Variants in DAP observed in about 807,000 individuals in gnomAD.
The protein encoded by DAP is death-associated protein 1.
In DAP, 8 loss-of-function variants were observed where a neutral mutation model predicts 13.8. The observed-to-expected ratio is 0.58, with a 90% confidence interval of 0.34 to 1.05. DAP has a LOEUF of 1.05. DAP is among the 50% of genes least tolerant of loss of function. DAP has a pLI of 0.03. For missense variants in DAP, 106 were observed against 133.2 expected (o/e 0.80, Z 1.01); for synonymous variants, 47 against 47.5 (o/e 0.99, Z 0.04).
chr5:10,725,548 A>C (rs946622410), intron 2 of DAP, among the ~76,000 whole-genome samples: 1 of 152,254 alleles, frequency 6.6e-6, no homozygotes, highest in African/African-American at 2.4e-5. Flanking sequence ...AAAGCCACAA[A>C]GCTTGAGTTG....
Position 10,755,736 on chromosome 5 carries a change from A to G in DAP, c.55+5278T>C, listed in dbSNP as rs533728989. 2.0e-5 allele frequency among the ~76,000 whole-genome samples: 3 copies of G among 152,362 alleles called. No homozygotes were observed. The East Asian group carries it at 5.8e-4, about 29-fold the overall frequency. ...AGTGAACATTCTCTATAGAAACAAA[A>G]AAAACTTCTGAAGCTGGGAAGGGAA... On this transcript the variant is annotated intron_variant, in intron 1 of 3. Transcript: ENST00000230895.
chr5:10,736,287 AG>A (rs1210888771), intron 2 of DAP, among the ~76,000 whole-genome samples: 4 of 152,208 alleles, frequency 2.6e-5, no homozygotes, highest in Non-Finnish European at 5.9e-5. Context: ...TGGGAGCACT[AG>A]GAAAACTAAT....
chr5:10,740,756 C>T (rs1717294555), intron 2 of DAP, among the ~76,000 whole-genome samples: 1 of 152,196 alleles, frequency 6.6e-6, no homozygotes, highest in African/African-American at 2.4e-5. Flanking sequence ...AAGAATTCAT[C>T]TCCAGCAGAC....
chr5:10,720,727 G>A (rs1463841501), intron 2 of DAP, among the ~76,000 whole-genome samples: 3 of 152,180 alleles, frequency 2.0e-5, no homozygotes, highest in Non-Finnish European at 4.4e-5. Context: ...CCCTCAATAC[G>A]GCACCATTCC....
At chr5:10,731,696 G>C (rs1052257127) in intron 2 of DAP, among the ~76,000 whole-genome samples, 2 of 152,200 alleles carry the variant, frequency 1.3e-5, no homozygotes, top group African/African-American at 4.8e-5. Context: ...GTCTGACTTA[G>C]GGATAGGCAG....
chr5:10,745,598 G>T (rs1185882677), intron 2 of DAP, among the ~76,000 whole-genome samples: 1 of 152,080 alleles, frequency 6.6e-6, no homozygotes, highest in Non-Finnish European at 1.5e-5. Context: ...TTCTAGAAAA[G>T]CTGCATGTCA....
intron 2 of DAP, among the ~76,000 whole-genome samples, chr5:10,716,260 T>C (rs767881713): frequency 2.0e-5 from 3 of 152,156 alleles, no homozygotes; most frequent in African/African-American, 7.2e-5. Flanking sequence ...CTAAGAGAAA[T>C]TGTGCTTTCA....
chr5:10,695,322 G>A (rs545974875), intron 2 of DAP, among the ~76,000 whole-genome samples: 3 of 152,348 alleles, frequency 2.0e-5, no homozygotes, highest in Non-Finnish European at 2.9e-5. Context: ...CACTGCGGGC[G>A]AGGGCTGCTG....
At chr5:10,709,878 C>T (rs1738798030) in intron 2 of DAP, among the ~76,000 whole-genome samples, 1 of 152,204 alleles carries the variant, frequency 6.6e-6, no homozygotes, top group Non-Finnish European at 1.5e-5. Flanking sequence ...GCAATGATGT[C>T]CTGGGACCCA....
intron 3 of DAP, among the ~76,000 whole-genome samples, chr5:10,682,238 G>A (rs549614188): frequency 8.0e-5 from 10 of 124,566 alleles, no homozygotes; most frequent in African/African-American, 2.8e-4. Flanking sequence ...TGAGTAAGCC[G>A]AAGGCCAGCA....
intron 3 of DAP, chr5:10,683,296 T>C (rs1303818671): frequency 1.3e-5 from 8 of 599,608 alleles, no homozygotes; most frequent in East Asian, 2.9e-5. Context: ...TAAGTCACAA[T>C]GTTGGGTCTC....
intron 2 of DAP, among the ~76,000 whole-genome samples, chr5:10,690,286 G>A (rs1288391013): frequency 3.3e-5 from 5 of 152,060 alleles, no homozygotes; most frequent in Non-Finnish European, 7.4e-5. Flanking sequence ...TTCTAACTTC[G>A]CTTTGAAACC....
At chr5:10,719,381 G>C (rs1191677400) in intron 2 of DAP, among the ~76,000 whole-genome samples, 1 of 152,214 alleles carries the variant, frequency 6.6e-6, no homozygotes, top group African/African-American at 2.4e-5. Context: ...AACGGTGCTG[G>C]AGTTGTCAGT....
intron 2 of DAP, among the ~76,000 whole-genome samples, chr5:10,731,631 G>C (rs1451211208): frequency 1.3e-5 from 2 of 152,320 alleles, no homozygotes; most frequent in African/African-American, 4.8e-5. Context: ...CTTTGTGCCT[G>C]ACTTCCCAAC....
Position 10,707,295 on chromosome 5 carries a change from T to G in DAP, c.153-23724A>C, listed in dbSNP as rs939099156. 2.6e-5 allele frequency among the ~76,000 whole-genome samples: 4 copies of G among 152,192 alleles called. No homozygotes were observed. In the South Asian group the frequency reaches 8.3e-4, roughly 31 times the overall value. ...GTAGCTTAGTCAGCTGAGCAAGTGT[T>G]GAGAGGCAGACATGTGGGTGGGTTC... is the stretch of plus-strand genomic sequence containing the variant. On this transcript the variant is annotated intron_variant, in intron 2 of 3. Coordinates refer to ENST00000230895, the MANE Select transcript of DAP (RefSeq NM_004394.3). The surrounding 1 kb of genome is among the most constrained non-coding windows in gnomAD (Gnocchi z 4.0).
intron 1 of DAP, among the ~76,000 whole-genome samples, chr5:10,750,429 C>T (rs1290384075): frequency 2.0e-5 from 3 of 152,264 alleles, no homozygotes; most frequent in East Asian, 1.9e-4. Flanking sequence ...AGGAAAATGA[C>T]GACTATTTCC....
chr5:10,696,791 C>T (rs1332621795), intron 2 of DAP, among the ~76,000 whole-genome samples: 3 of 152,140 alleles, frequency 2.0e-5, no homozygotes, highest in African/African-American at 7.2e-5. Context: ...TGCCAGCGGG[C>T]CCACCTTGAG....
intron 1 of DAP, among the ~76,000 whole-genome samples, chr5:10,754,204 A>G (rs1381772085): frequency 6.6e-6 from 1 of 152,220 alleles, no homozygotes; most frequent in Non-Finnish European, 1.5e-5. Flanking sequence ...AGAGGCGGTA[A>G]GAACGTATGC....
chr5:10,689,712 G>A (rs946904033), intron 2 of DAP, among the ~76,000 whole-genome samples: 1 of 152,232 alleles, frequency 6.6e-6, no homozygotes, highest in Non-Finnish European at 1.5e-5. Flanking sequence ...CCTATACAAA[G>A]TGGCTAGTCA....
Sources: allele counts gnomAD v4.1 joint callset (sites outside exome capture counted in the v4.1 genomes callset), GRCh38; gene constraint gnomAD v4.1.1; non-coding constraint Gnocchi (gnomAD v3.1); transcripts MANE v1.5; gene names NCBI Gene and HGNC (gene_info 2026-07-23, HGNC 2026-07-21).